DNAH9: variants seen among roughly 807,000 people sequenced by gnomAD.
The protein encoded by DNAH9 is dynein axonemal heavy chain 9.
In DNAH9, 345 loss-of-function variants were observed where a neutral mutation model predicts 471.6. The ratio of observed to expected loss-of-function variants is 0.73; its 90% CI spans 0.67 to 0.80. DNAH9 has a LOEUF of 0.80. DNAH9 is among the 30% of genes least tolerant of loss of function. The pLI is 0.00. For synonymous variants in DNAH9, 2,093 were observed against 2,123.6 expected, an observed-to-expected ratio of 0.99 and a Z score of 0.40; for missense variants, 5,407 against 5,609.2, an observed-to-expected ratio of 0.96 and a Z score of 1.15.
chr17:11,948,692 G>T (rs973112878), intron 67 of DNAH9, among the ~76,000 whole-genome samples: 1 of 152,182 alleles, frequency 6.6e-6, no homozygotes, highest in Non-Finnish European at 1.5e-5. Context: ...GAATAGAAAG[G>T]CTGCTGCCAA....
At chr17:11,925,019 C>CT (rs1433354511) in intron 62 of DNAH9, 1 of 355,112 alleles carries the variant, frequency 2.8e-6, no homozygotes, top group Non-Finnish European at 5.5e-6. Context: ...TTTTATGCCA[C>CT]TTGTATACAT....
Position 11,765,786 on chromosome 17 carries a change from C to A in DNAH9, c.7170+2172C>A, listed in dbSNP as rs776293572. Among the ~76,000 whole-genome samples, 15 of 152,166 alleles carry A rather than the reference C, an allele frequency of 9.9e-5. 1 individual carries two copies. Among genetic ancestry groups the A allele is most frequent in the South Asian group, 2.1e-4 (1 of 4,822 alleles). On this transcript the variant is annotated intron_variant, in intron 36 of 68. Transcript: ENST00000262442. ...AAAGATTTCAGCAGGATGGATGAGA[C>A]CTGGCTGAACTGCACAGAGATCCCG... is the stretch of plus-strand genomic sequence containing the variant.
In DNAH9 at chr17:11,892,071, A is replaced by T; in HGVS notation, c.11283+124A>T. 8.5e-7 allele frequency: 1 copy of T among 1,180,314 alleles called. No individual in the cohort carries two copies. Among genetic ancestry groups the T allele is most frequent in the South Asian group, 1.4e-5 (1 of 68,974 alleles). The allele number at this position is 1,180,314 out of a possible 1,614,324, so 73.1% of individuals were successfully genotyped here. On this transcript the variant is annotated intron_variant, in intron 58 of 68. Transcript: ENST00000262442. This position sits in a 1 kb window ranked among gnomAD's most constrained non-coding sequence, Gnocchi z 4.3. ...GCATGTCCAGACTATCTGTCTTTGG[A>T]TAGAGGCATCAGACAAGAAGGTCCA...
chr17:11,738,960 T>G lies in DNAH9; in HGVS notation c.5895T>G (p.Ser1965=), dbSNP rs1339499010. 6.2e-7 allele frequency: 1 copy of G among 1,614,014 alleles called. No individual in the cohort carries two copies. The highest frequency in any genetic ancestry group is 8.5e-7 in the Non-Finnish European group (1 of 1,179,942). Reference sequence around the variant, plus strand: ...GGGAGGAGATCAGCCTGAATCCTTCTGTCGGTATCTTCATCACCATGAACC... The same window carrying G: ...GGGAGGAGATCAGCCTGAATCCTTCGGTCGGTATCTTCATCACCATGAACC... ...FLGEEISLNP[S]VGIFITMNPG... is the part of the protein sequence containing the mutation. The change falls in exon 29 of 69, where the codon TCT becomes TCG. Residue 1965 remains serine (S), a synonymous_variant. Coordinates refer to ENST00000262442, the MANE Select transcript of DNAH9 (RefSeq NM_001372.4).
rs766276380 is a variant in DNAH9, at chr17:11,834,712, G to T, written c.9321G>T (p.Leu3107=). ...LKQKNEDADK[L]IQVVGVETDK... ...AGAAAAATGAAGATGCAGACAAACT[G>T]ATTCAGGTCGTGGGTGTGGAGACTG... The change falls in exon 49 of 69, where the codon CTG becomes CTT. Residue 3107 remains leucine (L), a synonymous_variant. Transcript: ENST00000262442. The T allele has an allele frequency of 6.2e-7, 1 of 1,613,984 alleles. No individual in the cohort carries two copies. The highest frequency in any genetic ancestry group is 2.2e-5 in the East Asian group (1 of 44,898).
In DNAH9 at chr17:11,844,490, C is replaced by G. The variant is rs140183475; in HGVS notation, c.9508-9513C>G. ...GAGCGATCTCGGCTCACTGCAACTT[C>G]CACCTCCTGGATTCAAGTGATTTTC... On this transcript the variant is annotated intron_variant, in intron 49 of 68. Coordinates refer to ENST00000262442, the MANE Select transcript of DNAH9 (RefSeq NM_001372.4). Among the ~76,000 whole-genome samples, 16 of 152,290 alleles carry G rather than the reference C, an allele frequency of 1.1e-4. No individual in the cohort carries two copies. In the East Asian group the frequency reaches 3.1e-3, roughly 29 times the overall value.
At chr17:11,697,822 C>T (rs1470115958) in intron 22 of DNAH9, among the ~76,000 whole-genome samples, 1 of 151,794 alleles carries the variant, frequency 6.6e-6, no homozygotes, top group Non-Finnish European at 1.5e-5. Context: ...GTTGCTAATA[C>T]TGCTATAAAC....
intron 43 of DNAH9, among the ~76,000 whole-genome samples, chr17:11,804,745 G>A (rs879597679): frequency 9.2e-5 from 14 of 151,944 alleles, no homozygotes; most frequent in Non-Finnish European, 1.5e-4. Context: ...GTGGTGGCAG[G>A]CACCTGTAGT....
intron 11 of DNAH9, among the ~76,000 whole-genome samples, chr17:11,646,347 T>C (rs1376788458): frequency 6.6e-6 from 1 of 152,124 alleles, no homozygotes; most frequent in Non-Finnish European, 1.5e-5. Context: ...GGGTGATCTG[T>C]TGGCCTGCGA....
intron 61 of DNAH9, among the ~76,000 whole-genome samples, chr17:11,920,427 C>T (rs1436063733): frequency 6.6e-6 from 1 of 151,076 alleles, no homozygotes; most frequent in Non-Finnish European, 1.5e-5. Context: ...TTGAGACCAG[C>T]CTGTCTAACA....
rs1189370564 is a variant in DNAH9 at position 11,611,742 on chromosome 17, T to A, written c.866T>A (p.Phe289Tyr). 2 of 1,613,996 alleles carry A rather than the reference T, an allele frequency of 1.2e-6. No individual in the cohort carries two copies. The highest frequency in any genetic ancestry group is 2.7e-5 in the African/African-American group (2 of 74,936). The change falls in exon 4 of 69, where the codon TTT becomes TAT. Residue 289 changes from phenylalanine (F) to tyrosine (Y), a missense_variant. This residue lies in a region of DNAH9 where 767 missense variants were observed against 692.5 expected (regional missense o/e 1.11). Transcript: ENST00000262442. ...CTGGACAAGCTTCAGAGTAGCTACT[T>A]TCCAGCTTTCAAAGCCATGTACAGA... ...KLLDKLQSSYFPAFKAMYRDV... is the reference protein window; with the variant it reads ...KLLDKLQSSYYPAFKAMYRDV...
chr17:11,846,328 T>C (rs1971223315), intron 49 of DNAH9, among the ~76,000 whole-genome samples: 2 of 147,464 alleles, frequency 1.4e-5, no homozygotes, highest in African/African-American at 2.6e-5. Flanking sequence ...TGCGGCGTTA[T>C]TTCTGAGGGC....
At chr17:11,747,788 G>A in intron 32 of DNAH9, 22 bp downstream of exon 32, 1 of 1,603,478 alleles carries the variant, frequency 6.2e-7, no homozygotes, top group Non-Finnish European at 8.5e-7. Context: ...ATTCTCCCAG[G>A]AGAAAGTCTC....
chr17:11,652,868 TG>T lies in DNAH9; in HGVS notation c.2464del (p.Val822Ter). On this transcript the variant is annotated frameshift_variant, in exon 14 of 69. Transcript: ENST00000262442. LOFTEE classifies it high-confidence loss of function. ...VEEIQNIMKT[W>X]VTPIFKTKDG... The stretch of plus-strand genomic sequence containing the variant: ...AGAGATCCAAAACATCATGAAAACA[TG>T]GGTGACTCCAATATTTAAGACAAAA... 1.9e-6 allele frequency: 3 copies of T among 1,614,116 alleles called. No homozygotes were observed. The highest frequency in any genetic ancestry group is 2.5e-6 in the Non-Finnish European group (3 of 1,179,968).
At chr17:11,949,805 T>G (rs1471953406) in intron 67 of DNAH9, among the ~76,000 whole-genome samples, 1 of 152,164 alleles carries the variant, frequency 6.6e-6, no homozygotes, top group Non-Finnish European at 1.5e-5. Context: ...CTTCTTTTCC[T>G]AAATGACTCC....
At chr17:11,838,178 G>T (rs193279822) in intron 49 of DNAH9, among the ~76,000 whole-genome samples, 22 of 152,128 alleles carry the variant, frequency 1.4e-4, no homozygotes, top group Non-Finnish European at 3.1e-4. Context: ...CACATTCTAC[G>T]GTAGGAAGTC....
chr17:11,773,323 T>C (rs1567792057), intron 38 of DNAH9, among the ~76,000 whole-genome samples: 1 of 152,160 alleles, frequency 6.6e-6, no homozygotes, highest in East Asian at 1.9e-4. Context: ...TTATAATGTG[T>C]CTGTAATGGT....
At chr17:11,762,408 G>A (rs1400821487) in intron 35 of DNAH9, among the ~76,000 whole-genome samples, 2 of 152,160 alleles carry the variant, frequency 1.3e-5, no homozygotes, top group African/African-American at 4.8e-5. Flanking sequence ...ATACCTATGG[G>A]AAGAAAAGTA....
intron 31 of DNAH9, among the ~76,000 whole-genome samples, chr17:11,746,625 G>T (rs948196444): frequency 1.3e-5 from 2 of 152,052 alleles, no homozygotes; most frequent in African/African-American, 4.8e-5. Flanking sequence ...CTCGACACAT[G>T]GGGATTCGAG....
Sources: gnomAD v4.1 joint callset for allele counts (sites outside exome capture counted in the v4.1 genomes callset) on GRCh38, gnomAD v4.1.1 for gene constraint, gnomAD v4.1.1 regional missense constraint, Gnocchi (gnomAD v3.1) non-coding constraint, MANE v1.5 for transcripts, NCBI Gene and HGNC (gene_info 2026-07-23, HGNC 2026-07-21) for gene names.